FAM3C: variants seen among roughly 807,000 people sequenced by gnomAD.
FAM3C encodes protein FAM3C.
Under a neutral mutation model 32.5 loss-of-function variants are expected in FAM3C, and 15 were observed. The observed-to-expected ratio is 0.46, with a 90% CI of 0.31 to 0.71. FAM3C has a LOEUF of 0.71. Among genes scored for constraint, FAM3C ranks in the 30% least tolerant of loss-of-function variants. The probability of loss-of-function intolerance (pLI) is 0.05; values close to 1 mark genes in which losing one functional copy is unlikely to be tolerated. For synonymous variants in FAM3C, 75 were observed against 86.1 expected (o/e 0.87, Z 0.72); for missense variants, 175 against 274.4 (o/e 0.64, Z 2.56).
At chr7:121,359,147 A>G (rs1200909519) in intron 8 of FAM3C, among the ~76,000 whole-genome samples, 2 of 151,962 alleles carry the variant, frequency 1.3e-5, no homozygotes, top group African/African-American at 2.4e-5. Flanking sequence ...TTTAAAATCC[A>G]TTTTTAAAAA....
At chr7:121,385,753 T>C (rs1164538530) in intron 1 of FAM3C, among the ~76,000 whole-genome samples, 22 of 152,154 alleles carry the variant, frequency 1.4e-4, no homozygotes, top group Non-Finnish European at 1.5e-5. Context: ...GACAAAATTG[T>C]CATAAAAAAT....
rs534738913 is a variant in FAM3C at position 121,377,536 on chromosome 7, A to G, written c.118+1374T>C. On this transcript the variant is annotated intron_variant, in intron 3 of 9. Coordinates refer to ENST00000359943, the MANE Select transcript of FAM3C (RefSeq NM_014888.3). ...ATAAACAACAATTTAGTCATAGTTT[A>G]CTCGATGTAAGTACAAGGATCTATG... Among the ~76,000 whole-genome samples the G allele has an allele frequency of 5.9e-5, 9 of 152,314 alleles. No homozygotes were observed. The East Asian group carries it at 9.6e-4, about 16-fold the overall frequency.
At chr7:121,372,697 G>A (rs183177554) in intron 3 of FAM3C, among the ~76,000 whole-genome samples, 26 of 152,242 alleles carry the variant, frequency 1.7e-4, no homozygotes, top group African/African-American at 6.0e-4. Context: ...TTCTCAACCT[G>A]ACCATCTATC....
At chr7:121,361,366 A>G (rs1465535409) in intron 7 of FAM3C, among the ~76,000 whole-genome samples, 1 of 152,266 alleles carries the variant, frequency 6.6e-6, no homozygotes, top group Non-Finnish European at 1.5e-5. Flanking sequence ...TCAAAAAGAT[A>G]TAACAAGGCA....
At chr7:121,352,499 A>G (rs1793725411) in intron 8 of FAM3C, among the ~76,000 whole-genome samples, 1 of 152,202 alleles carries the variant, frequency 6.6e-6, no homozygotes, top group African/African-American at 2.4e-5. Context: ...CCTGTGGAGC[A>G]TTTAGCCTTT....
chr7:121,372,223 A>G (rs1244679853), intron 3 of FAM3C, 84 bp from the exon 4 acceptor site: 4 of 853,110 alleles, frequency 4.7e-6, no homozygotes, highest in South Asian at 1.5e-5. Context: ...GTCCACAAAA[A>G]TAAGTGTTCA....
At chr7:121,352,981 T>C (rs1252687760) in intron 8 of FAM3C, among the ~76,000 whole-genome samples, 1 of 152,196 alleles carries the variant, frequency 6.6e-6, no homozygotes, top group Non-Finnish European at 1.5e-5. Flanking sequence ...GCACAGGCAG[T>C]AGGCTCAGTG....
At position 121,350,356 on chromosome 7, in the gene FAM3C, C is replaced by G. The variant is rs979060703; in HGVS notation, c.*105G>C. 2 of 1,412,466 alleles carry G rather than the reference C, an allele frequency of 1.4e-6. No homozygotes were observed. The highest frequency in any genetic ancestry group is 4.6e-5 in the East Asian group (2 of 43,370). The allele number at this position is 1,412,466 out of a possible 1,614,324, so 87.5% of individuals were successfully genotyped here. A position where few individuals can be genotyped will look rare whatever the true frequency, so the allele number is the denominator to read the frequency against. ...AAAAGAGACAATACTCATGCACACA[C>G]CAAGATGGCTGCATGCTCTTAAAAT... On this transcript the variant is annotated 3_prime_UTR_variant, in exon 10 of 10. Coordinates refer to ENST00000359943, the MANE Select transcript of FAM3C (RefSeq NM_014888.3).
chr7:121,361,929 G>A (rs554106535), intron 7 of FAM3C, among the ~76,000 whole-genome samples: 1 of 152,216 alleles, frequency 6.6e-6, no homozygotes, highest in African/African-American at 2.4e-5. Flanking sequence ...TGCCTGCCTC[G>A]GCCTCCCGAA....
chr7:121,360,189 C>A, intron 7 of FAM3C, 62 bp from the exon 8 acceptor site: 2 of 835,646 alleles, frequency 2.4e-6, no homozygotes, highest in Non-Finnish European at 4.1e-6. Context: ...ACGATAATCT[C>A]TGAAAGTAGT....
intron 8 of FAM3C, chr7:121,351,492 G>C (rs902077646): frequency 4.6e-6 from 2 of 435,154 alleles, no homozygotes; most frequent in Admixed American, 7.5e-5. Context: ...CTATTAAAAG[G>C]ACCTGTTAGG....
rs58750532 is a variant in FAM3C at position 121,390,853 on chromosome 7, CGGGGGGGGGGG to C, written c.-42+5298_-42+5308del. Among the ~76,000 whole-genome samples, 40 of 7,462 alleles carry C rather than the reference CGGGGGGGGGGG, an allele frequency of 5.4e-3. 9 individuals are homozygous for C. Among genetic ancestry groups the C allele is most frequent in the East Asian group, 0.014 (3 of 222 alleles). 4.9% of individuals were successfully genotyped at this position (7,462 alleles called of 152,430 possible). The stretch of plus-strand genomic sequence containing the variant: ...CACACACAGGAAAGGCTGTGTGGGG[CGGGGGGGGGGG>C]GGGGGGGGAAGGTAAGGCAGATCTA... On this transcript the variant is annotated intron_variant, in intron 1 of 9. Coordinates refer to ENST00000359943, the MANE Select transcript of FAM3C (RefSeq NM_014888.3).
chr7:121,367,047 A>C (rs571641257), intron 5 of FAM3C, among the ~76,000 whole-genome samples: 2 of 152,174 alleles, frequency 1.3e-5, no homozygotes, highest in South Asian at 4.2e-4. Context: ...CAGCTTATCA[A>C]TTTTTAAAAA....
intron 7 of FAM3C, among the ~76,000 whole-genome samples, chr7:121,362,093 A>G (rs986594314): frequency 6.6e-6 from 1 of 152,170 alleles, no homozygotes; most frequent in Non-Finnish European, 1.5e-5. Context: ...ATATAAATGG[A>G]ATGGGGAGGT....
chr7:121,386,411 T>C (rs1343014402), intron 1 of FAM3C, among the ~76,000 whole-genome samples: 1 of 152,068 alleles, frequency 6.6e-6, no homozygotes, highest in Non-Finnish European at 1.5e-5. Flanking sequence ...TTCGCCTTCT[T>C]TGCCTATCTT....
chr7:121,350,590 T>C, intron 9 of FAM3C, 40 bp from the exon 10 acceptor site: 1 of 1,596,630 alleles, frequency 6.3e-7, no homozygotes, highest in Non-Finnish European at 8.6e-7. Context: ...TAAAAAACCG[T>C]TGTAAACTGC....
At chr7:121,360,911 G>A (rs1018299808) in intron 7 of FAM3C, among the ~76,000 whole-genome samples, 2 of 152,078 alleles carry the variant, frequency 1.3e-5, no homozygotes, top group Non-Finnish European at 2.9e-5. Context: ...CTAGAAAGAG[G>A]ATACACAGCT....
intron 2 of FAM3C, among the ~76,000 whole-genome samples, chr7:121,380,582 A>T (rs946623663): frequency 2.0e-5 from 3 of 152,004 alleles, no homozygotes; most frequent in Non-Finnish European, 4.4e-5. Flanking sequence ...GAGGATCAAA[A>T]AACTACCTAT....
intron 1 of FAM3C, among the ~76,000 whole-genome samples, chr7:121,393,293 A>G (rs964700056): frequency 1.3e-5 from 2 of 152,138 alleles, no homozygotes; most frequent in African/African-American, 4.8e-5. Flanking sequence ...GTCTTTTAAG[A>G]AAAAAAATTA....
Sources: gnomAD v4.1 joint callset for allele counts (sites outside exome capture counted in the v4.1 genomes callset) on GRCh38, gnomAD v4.1.1 for gene constraint, MANE v1.5 for transcripts, NCBI Gene and HGNC (gene_info 2026-07-23, HGNC 2026-07-21) for gene names.